The following IFT25 variants were observed in gnomAD, a reference collection of about 807,000 sequenced individuals.
IFT25 encodes the protein intraflagellar transport protein 25 homolog.
At chr1:53,927,313 G>C in the IFT25 span, among the ~76,000 whole-genome samples, 2 of 152,128 alleles carry the variant, frequency 1.3e-5, no homozygotes. Context: ...CTTTTTTCTA[G>C]GGCCATTTAG....
the IFT25 span, among the ~76,000 whole-genome samples, chr1:53,941,855 A>G: frequency 6.6e-6 from 1 of 152,228 alleles, no homozygotes. Context: ...CATCTGGAAC[A>G]TGTTCTAAAG....
At chr1:53,921,103 A>G in the IFT25 span, among the ~76,000 whole-genome samples, 3 of 152,064 alleles carry the variant, frequency 2.0e-5, no homozygotes, top group Admixed American at 1.3e-4. Context: ...AGTCCAGGGG[A>G]TGGAGGCTGC....
chr1:53,919,139 C>CCA, the IFT25 span, among the ~76,000 whole-genome samples: 33,148 of 151,906 alleles, frequency 0.22, 5,463 homozygotes, highest in African/African-American at 0.47. Flanking sequence ...GTGCTTGGCC[C>CCA]TTTTTTTCAG....
the IFT25 span, among the ~76,000 whole-genome samples, chr1:53,923,168 C>T: frequency 3.3e-5 from 5 of 152,284 alleles, no homozygotes; most frequent in South Asian, 6.2e-4. Flanking sequence ...TCAAAAACTT[C>T]CTACAGAATT....
At chr1:53,924,079 A>G in the IFT25 span, 1 of 654,492 alleles carries the variant, frequency 1.5e-6, no homozygotes, top group Non-Finnish European at 2.7e-6. Flanking sequence ...CATCGTTTGC[A>G]TGTTGAAATT....
At chr1:53,912,966 T>C in the IFT25 span, among the ~76,000 whole-genome samples, 2 of 152,262 alleles carry the variant, frequency 1.3e-5, no homozygotes, top group African/African-American at 4.8e-5. Flanking sequence ...GCTGCTATAG[T>C]AGGTGTTGTT....
At chr1:53,938,088 C>T in the IFT25 span, among the ~76,000 whole-genome samples, 1 of 152,140 alleles carries the variant, frequency 6.6e-6, no homozygotes, top group Non-Finnish European at 1.5e-5. Flanking sequence ...TTATTTTGAG[C>T]AAGTCATCTG....
At chr1:53,913,005 GC>G in the IFT25 span, among the ~76,000 whole-genome samples, 1 of 152,200 alleles carries the variant, frequency 6.6e-6, no homozygotes, top group Admixed American at 6.5e-5. Context: ...CTTTTACCAA[GC>G]CATTGTACTC....
the IFT25 span, among the ~76,000 whole-genome samples, chr1:53,919,230 G>A: frequency 6.6e-6 from 1 of 152,168 alleles, no homozygotes; most frequent in Non-Finnish European, 1.5e-5. Flanking sequence ...TTGGCAAGCA[G>A]ACAACAGCAA....
the IFT25 span, chr1:53,940,027 G>A: frequency 1.9e-6 from 3 of 1,611,710 alleles, no homozygotes; most frequent in African/African-American, 2.7e-5. Context: ...ATCACTTGAT[G>A]TAGCTAAAAT....
the IFT25 span, chr1:53,916,849 T>C: frequency 2.5e-6 from 1 of 396,690 alleles, no homozygotes; most frequent in South Asian, 1.3e-4. Context: ...CATTTAAAAT[T>C]TGCTTTTCCG....
At chr1:53,912,668 A>G in the IFT25 span, among the ~76,000 whole-genome samples, 2,106 of 152,310 alleles carry the variant, frequency 0.014, 54 homozygotes, top group African/African-American at 0.047. Flanking sequence ...GAGAACTACA[A>G]GGGCAAAGGT....
At chr1:53,941,230 T>G in the IFT25 span, among the ~76,000 whole-genome samples, 3 of 152,068 alleles carry the variant, frequency 2.0e-5, no homozygotes, top group African/African-American at 7.2e-5. Context: ...CCTGACCTTG[T>G]GATCCACCCA....
At chr1:53,923,187 C>G in the IFT25 span, among the ~76,000 whole-genome samples, 1 of 152,136 alleles carries the variant, frequency 6.6e-6, no homozygotes, top group Non-Finnish European at 1.5e-5. Context: ...TTTTTTGAAA[C>G]ACTGATTTAA....
the IFT25 span, among the ~76,000 whole-genome samples, chr1:53,931,299 C>T: frequency 6.6e-6 from 1 of 152,130 alleles, no homozygotes; most frequent in Non-Finnish European, 1.5e-5. Flanking sequence ...TGGGTAATTA[C>T]TAAGAGTGGA....
the IFT25 span, among the ~76,000 whole-genome samples, chr1:53,913,911 G>A: frequency 3.3e-5 from 5 of 152,284 alleles, no homozygotes; most frequent in Admixed American, 1.3e-4. Flanking sequence ...AAACTATGCC[G>A]GCACCCTGAT....
chr1:53,919,991 G>T, the IFT25 span, among the ~76,000 whole-genome samples: 3 of 152,016 alleles, frequency 2.0e-5, no homozygotes, highest in Non-Finnish European at 2.9e-5. Flanking sequence ...TAGATATGGG[G>T]TCTAGCTATG....
chr1:53,940,478 A>G, the IFT25 span, among the ~76,000 whole-genome samples: 6 of 152,214 alleles, frequency 3.9e-5, no homozygotes, highest in Non-Finnish European at 5.9e-5. Context: ...ACAAATAGAA[A>G]ACAAATAGCA....
At chr1:53,912,995 C>T in the IFT25 span, among the ~76,000 whole-genome samples, 1 of 152,138 alleles carries the variant, frequency 6.6e-6, no homozygotes, top group Non-Finnish European at 1.5e-5. Context: ...GCCCAGATGC[C>T]TTTTACCAAG....
Sources: allele counts gnomAD v4.1 joint callset (sites outside exome capture counted in the v4.1 genomes callset), GRCh38; gene constraint gnomAD v4.1.1; transcripts MANE v1.5; gene names NCBI Gene and HGNC (gene_info 2026-07-23, HGNC 2026-07-21).